The following SPOCK1 variants were observed in gnomAD, a reference collection of about 807,000 sequenced individuals.
SPOCK1 encodes the protein testican-1.
SPOCK1 carries 23 observed loss-of-function variants against 55.3 expected under a neutral mutation model. That is an observed-to-expected ratio of 0.42 (90% CI 0.30 to 0.59). The LOEUF (loss-of-function observed/expected upper bound fraction) is 0.59. Ranked by LOEUF, SPOCK1 falls within the 20% of genes least tolerant of loss-of-function variation. The probability of loss-of-function intolerance (pLI) is 0.22; values close to 1 mark genes in which losing one functional copy is unlikely to be tolerated. For missense variants in SPOCK1, 499 were observed against 552.5 expected (o/e 0.90, Z 0.97); for synonymous variants, 226 against 221.0 (o/e 1.02, Z -0.20).
At chr5:137,306,801 A>G (rs1757708362) in intron 2 of SPOCK1, among the ~76,000 whole-genome samples, 1 of 152,126 alleles carries the variant, frequency 6.6e-6, no homozygotes, top group African/African-American at 2.4e-5. Context: ...CCTAAACAAC[A>G]CATAATTTTA....
At chr5:137,274,556 T>C (rs1036887056) in intron 2 of SPOCK1, among the ~76,000 whole-genome samples, 5 of 152,208 alleles carry the variant, frequency 3.3e-5, no homozygotes, top group African/African-American at 1.2e-4. Context: ...AGGTACACAA[T>C]TTCATGTCCA....
intron 4 of SPOCK1, among the ~76,000 whole-genome samples, chr5:137,129,378 T>C (rs947475334): frequency 1.3e-5 from 2 of 152,202 alleles, no homozygotes; most frequent in African/African-American, 4.8e-5. Flanking sequence ...AGAAAACCAA[T>C]TCACCAAGAC....
chr5:137,336,803 T>G (rs2127153904), intron 2 of SPOCK1, among the ~76,000 whole-genome samples: 1 of 152,374 alleles, frequency 6.6e-6, no homozygotes, highest in South Asian at 2.1e-4. Context: ...CTGGGCTCTC[T>G]GCCTGGAGGC....
intron 6 of SPOCK1, among the ~76,000 whole-genome samples, chr5:136,998,046 T>G (rs1751079474): frequency 6.6e-6 from 1 of 151,614 alleles, no homozygotes; most frequent in South Asian, 2.1e-4. Flanking sequence ...CATCACTACA[T>G]GGAATAAGAT....
rs190911144 is a variant in SPOCK1 at position 137,464,029 on chromosome 5, C to T, written c.186+34344G>A. 2.9e-3 allele frequency among the ~76,000 whole-genome samples: 423 copies of T among 148,112 alleles called. 2 individuals carry two copies. The highest frequency in any genetic ancestry group is 9.4e-3 in the African/African-American group (377 of 40,110). ...AAATGCTTGAGAGGGCCAGGCATGG[C>T]GGCTCATGCCTGTAATCCCAGCACT... On this transcript the variant is annotated intron_variant, in intron 2 of 10. Coordinates refer to ENST00000394945, the MANE Select transcript of SPOCK1 (RefSeq NM_004598.4).
intron 2 of SPOCK1, chr5:137,365,583 A>G (rs1428106359): frequency 6.6e-6 from 1 of 152,214 alleles, no homozygotes; most frequent in African/African-American, 2.4e-5. Context: ...TTTTGAAAAA[A>G]CAATTGTGAA....
At chr5:137,252,173 G>A (rs1211259559) in intron 3 of SPOCK1, among the ~76,000 whole-genome samples, 8 of 152,102 alleles carry the variant, frequency 5.3e-5, no homozygotes, top group South Asian at 2.1e-4. Flanking sequence ...TGATCCACCC[G>A]CCTCGGCCTC....
intron 3 of SPOCK1, among the ~76,000 whole-genome samples, chr5:137,148,665 C>T (rs994314323): frequency 5.3e-5 from 8 of 152,288 alleles, no homozygotes; most frequent in South Asian, 4.1e-4. Context: ...ACAATGACAA[C>T]GACCAACTAT....
chr5:137,289,207 C>T (rs1757321577), intron 2 of SPOCK1, among the ~76,000 whole-genome samples: 1 of 152,174 alleles, frequency 6.6e-6, no homozygotes, highest in African/African-American at 2.4e-5. Context: ...GATGAATGCT[C>T]ATTATAAGTA....
chr5:137,462,232 A>T (rs1753504072), intron 2 of SPOCK1, among the ~76,000 whole-genome samples: 1 of 152,112 alleles, frequency 6.6e-6, no homozygotes, highest in African/African-American at 2.4e-5. Flanking sequence ...AGAATTTCCC[A>T]TTGTTTCTAG....
chr5:137,166,599 T>C (rs1754652634), intron 3 of SPOCK1, among the ~76,000 whole-genome samples: 1 of 152,002 alleles, frequency 6.6e-6, no homozygotes, highest in African/African-American at 2.4e-5. Context: ...GAATCAGAAA[T>C]AATAACTACA....
At chr5:137,419,804 G>C (rs545380814) in intron 2 of SPOCK1, among the ~76,000 whole-genome samples, 1 of 152,112 alleles carries the variant, frequency 6.6e-6, no homozygotes, top group Non-Finnish European at 1.5e-5. Context: ...TCCTTCTCCT[G>C]CCAGTTTTCC....
chr5:137,344,590 G>A (rs2127157732), intron 2 of SPOCK1, among the ~76,000 whole-genome samples: 2 of 152,344 alleles, frequency 1.3e-5, no homozygotes, highest in East Asian at 3.9e-4. Flanking sequence ...TTAGTGGGTA[G>A]AGGTCAGGGA....
chr5:137,053,228 A>T (rs1314744484), intron 6 of SPOCK1, among the ~76,000 whole-genome samples: 1 of 152,142 alleles, frequency 6.6e-6, no homozygotes, highest in Admixed American at 6.5e-5. Flanking sequence ...GAGGCAACAA[A>T]CCAAGGTGCA....
chr5:137,139,305 G>A (rs1181933179), intron 4 of SPOCK1, among the ~76,000 whole-genome samples: 2 of 152,148 alleles, frequency 1.3e-5, no homozygotes, highest in African/African-American at 4.8e-5. Context: ...AGAGGGGTAT[G>A]GGGTGGGGGC....
At chr5:137,234,355 G>A (rs1323946360) in intron 3 of SPOCK1, among the ~76,000 whole-genome samples, 1 of 152,130 alleles carries the variant, frequency 6.6e-6, no homozygotes, top group Non-Finnish European at 1.5e-5. Context: ...CCATGCCTGG[G>A]CCACCTTCTC....
chr5:137,095,795 A>G (rs191273501), intron 5 of SPOCK1, among the ~76,000 whole-genome samples: 6 of 152,338 alleles, frequency 3.9e-5, no homozygotes, highest in Admixed American at 2.6e-4. Flanking sequence ...GCAATAAAGT[A>G]ATACTGTTCT....
chr5:137,181,294 G>A (rs1297664088), intron 3 of SPOCK1, among the ~76,000 whole-genome samples: 1 of 152,168 alleles, frequency 6.6e-6, no homozygotes, highest in East Asian at 1.9e-4. Context: ...TGAAGCACTG[G>A]GCTATTAAGT....
At chr5:136,994,782 G>A (rs1004380180) in intron 6 of SPOCK1, among the ~76,000 whole-genome samples, 1 of 151,826 alleles carries the variant, frequency 6.6e-6, no homozygotes, top group African/African-American at 2.4e-5. Context: ...AGAGGCAGTG[G>A]ATCACCTGAG....
Sources: gnomAD v4.1 joint callset for allele counts (sites outside exome capture counted in the v4.1 genomes callset) on GRCh38, gnomAD v4.1.1 for gene constraint, MANE v1.5 for transcripts, NCBI Gene and HGNC (gene_info 2026-07-23, HGNC 2026-07-21) for gene names.